EPHA6: variants seen among roughly 807,000 people sequenced by gnomAD.
EPHA6 encodes the protein ephrin type-A receptor 6.
A neutral mutation model predicts 112.0 loss-of-function variants in EPHA6; 50 were observed. That is an observed-to-expected ratio of 0.45 (90% CI 0.36 to 0.56). The LOEUF (loss-of-function observed/expected upper bound fraction) is 0.56, where lower values mean the gene tolerates loss of function less well. Ranked by LOEUF, EPHA6 falls within the 20% of genes least tolerant of loss-of-function variation. EPHA6 has a pLI of 0.00. For synonymous variants in EPHA6, 529 were observed against 490.7 expected, an observed-to-expected ratio of 1.08 and a Z score of -1.03; for missense variants, 1,280 against 1,417.4, an observed-to-expected ratio of 0.90 and a Z score of 1.56.
At chr3:96,890,529 G>A (rs2037892910) in intron 2 of EPHA6, among the ~76,000 whole-genome samples, 1 of 152,170 alleles carries the variant, frequency 6.6e-6, no homozygotes, top group African/African-American at 2.4e-5. Flanking sequence ...TAATATTTAT[G>A]TGGAACATAT....
At chr3:96,878,893 C>T (rs576427728) in intron 2 of EPHA6, among the ~76,000 whole-genome samples, 10 of 150,900 alleles carry the variant, frequency 6.6e-5, no homozygotes, top group Non-Finnish European at 1.3e-4. Context: ...GATTTATCCT[C>T]AATATTTAAC....
intron 2 of EPHA6, among the ~76,000 whole-genome samples, chr3:96,963,013 G>C (rs2042000266): frequency 6.6e-6 from 1 of 151,982 alleles, no homozygotes; most frequent in Admixed American, 6.6e-5. Context: ...AATTAGCTGG[G>C]CATAGTGGCA....
chr3:96,962,940 GC>G (rs771180916), intron 2 of EPHA6, among the ~76,000 whole-genome samples: 6 of 152,000 alleles, frequency 3.9e-5, no homozygotes, highest in Admixed American at 6.6e-5. Context: ...GATCGCTTGA[GC>G]CCAGGAGTTT....
Position 97,302,804 on chromosome 3 carries a change from T to G in EPHA6, c.1606+58517T>G, listed in dbSNP as rs150772069. Among the ~76,000 whole-genome samples the G allele has an allele frequency of 3.4e-3, 520 of 152,070 alleles. 5 individuals carry two copies. Among genetic ancestry groups the G allele is most frequent in the African/African-American group, 0.012 (482 of 41,532 alleles). ...CCTTAATTGTAATATTCTAGAATTT[T>G]CTATATTCAATGGAAATATTTCTCA... On this transcript the variant is annotated intron_variant, in intron 5 of 17. Coordinates refer to ENST00000389672, the MANE Select transcript of EPHA6 (RefSeq NM_001080448.3).
chr3:97,694,850 T>C (rs1346692150), intron 14 of EPHA6, among the ~76,000 whole-genome samples: 1 of 152,236 alleles, frequency 6.6e-6, no homozygotes, highest in African/African-American at 2.4e-5. Flanking sequence ...TAGATAGTTG[T>C]TGTCTTCAAA....
intron 3 of EPHA6, among the ~76,000 whole-genome samples, chr3:97,061,247 C>A (rs1298882727): frequency 6.6e-6 from 1 of 152,052 alleles, no homozygotes; most frequent in African/African-American, 2.4e-5. Context: ...AAGAACTAAG[C>A]AGGAATGAGA....
At chr3:96,856,465 T>C (rs1162294130) in intron 1 of EPHA6, among the ~76,000 whole-genome samples, 1 of 152,150 alleles carries the variant, frequency 6.6e-6, no homozygotes, top group Admixed American at 6.6e-5. Flanking sequence ...AATCTACAGA[T>C]AGAACTATTT....
chr3:97,090,066 T>G (rs2047015139), intron 3 of EPHA6, among the ~76,000 whole-genome samples: 1 of 152,090 alleles, frequency 6.6e-6, no homozygotes, highest in South Asian at 2.1e-4. Context: ...GCTATTCATA[T>G]CTTATGTTCT....
intron 3 of EPHA6, among the ~76,000 whole-genome samples, chr3:97,121,114 G>C (rs997025670): frequency 6.6e-6 from 1 of 151,932 alleles, no homozygotes; most frequent in Non-Finnish European, 1.5e-5. Context: ...TCTTCCCACT[G>C]TTTCCTAAAG....
intron 1 of EPHA6, among the ~76,000 whole-genome samples, chr3:96,828,474 G>C (rs908970391): frequency 6.6e-6 from 1 of 152,086 alleles, no homozygotes; most frequent in Non-Finnish European, 1.5e-5. Flanking sequence ...AGATGGAAAA[G>C]AAATCTTAAA....
At chr3:96,827,339 C>T (rs909203575) in intron 1 of EPHA6, among the ~76,000 whole-genome samples, 1 of 152,046 alleles carries the variant, frequency 6.6e-6, no homozygotes, top group Non-Finnish European at 1.5e-5. Context: ...GCCCTCATTC[C>T]TTAACATTGA....
chr3:97,588,263 G>A (rs573940196), intron 11 of EPHA6, among the ~76,000 whole-genome samples: 1 of 152,128 alleles, frequency 6.6e-6, no homozygotes, highest in East Asian at 1.9e-4. Context: ...TACTGAACAA[G>A]GTGTAACAGA....
intron 6 of EPHA6, among the ~76,000 whole-genome samples, chr3:97,431,109 A>C (rs1054221445): frequency 6.6e-6 from 1 of 152,046 alleles, no homozygotes; most frequent in African/African-American, 2.4e-5. Context: ...AATGGTTTTA[A>C]ATTTCTTGGT....
At chr3:97,100,266 T>G (rs1251262883) in intron 3 of EPHA6, among the ~76,000 whole-genome samples, 1 of 149,752 alleles carries the variant, frequency 6.7e-6, no homozygotes, top group Non-Finnish European at 1.5e-5. Context: ...TATATATATA[T>G]AGATATATGG....
At chr3:97,681,651 A>T (rs2031870639) in intron 14 of EPHA6, among the ~76,000 whole-genome samples, 2 of 152,148 alleles carry the variant, frequency 1.3e-5, no homozygotes, top group South Asian at 4.1e-4. Context: ...AAATGTATGT[A>T]TGTTTATTGA....
At chr3:96,911,170 T>C (rs1268489872) in intron 2 of EPHA6, among the ~76,000 whole-genome samples, 1 of 152,054 alleles carries the variant, frequency 6.6e-6, no homozygotes, top group Admixed American at 6.6e-5. Context: ...TTTTACAAGT[T>C]TTCTGTTTAA....
chr3:97,541,999 A>G (rs1199844025), intron 11 of EPHA6, among the ~76,000 whole-genome samples: 2 of 151,690 alleles, frequency 1.3e-5, no homozygotes, highest in Non-Finnish European at 2.9e-5. Flanking sequence ...AAACTGAAGA[A>G]CTTGGAGTCC....
chr3:97,728,968 C>T (rs1386099), intron 15 of EPHA6, among the ~76,000 whole-genome samples: 149,364 of 152,230 alleles, frequency 0.98, 73,298 homozygotes, highest in East Asian at 0.99. Context: ...AGGACCAACA[C>T]TTTCTATTTT....
At chr3:97,676,729 G>A (rs575347850) in intron 14 of EPHA6, among the ~76,000 whole-genome samples, 18 of 152,280 alleles carry the variant, frequency 1.2e-4, no homozygotes, top group African/African-American at 3.4e-4. Context: ...TTAGATGGGA[G>A]TATGAACTGT....
Sources: gnomAD v4.1 joint callset for allele counts (sites outside exome capture counted in the v4.1 genomes callset) on GRCh38, gnomAD v4.1.1 for gene constraint, MANE v1.5 for transcripts, NCBI Gene and HGNC (gene_info 2026-07-23, HGNC 2026-07-21) for gene names.